The following ESRP1 variants were observed in gnomAD, a reference collection of about 807,000 sequenced individuals.
The protein encoded by ESRP1 is epithelial splicing regulatory protein 1.
ESRP1 carries 33 observed loss-of-function variants against 81.7 expected under a neutral mutation model. The ratio of observed to expected loss-of-function variants is 0.40; its 90% CI spans 0.31 to 0.54. ESRP1 has a LOEUF of 0.54. Among genes scored for constraint, ESRP1 ranks in the 20% least tolerant of loss-of-function variants. The pLI is 0.41. For synonymous variants in ESRP1, 320 were observed against 303.3 expected (o/e 1.06, Z -0.57); for missense variants, 672 against 833.1 (o/e 0.81, Z 2.38).
intron 4 of ESRP1, among the ~76,000 whole-genome samples, chr8:94,660,460 C>T (rs1393654079): frequency 6.6e-6 from 1 of 150,884 alleles, no homozygotes; most frequent in Non-Finnish European, 1.5e-5. Flanking sequence ...AAAATGAGGT[C>T]GGGTGCAGTG....
chr8:94,642,147 C>G (rs1234915924), intron 2 of ESRP1, 63 bp downstream of exon 2: 5 of 1,565,588 alleles, frequency 3.2e-6, no homozygotes, highest in Admixed American at 1.7e-5. Flanking sequence ...ACCCTACGCC[C>G]TCTCAGGGCG....
intron 14 of ESRP1, among the ~76,000 whole-genome samples, chr8:94,694,594 A>T (rs763959454): frequency 5.3e-5 from 8 of 151,986 alleles, no homozygotes; most frequent in Non-Finnish European, 8.8e-5. Flanking sequence ...ACAGAACGAG[A>T]CTCTGTTTCA....
rs1293192695 is a variant in ESRP1, at chr8:94,673,524, G to A, written c.1453-784G>A. Among the ~76,000 whole-genome samples, 3 of 152,316 alleles carry A rather than the reference G, an allele frequency of 2.0e-5. No homozygotes were observed. In the South Asian group the frequency reaches 6.2e-4, roughly 32 times the overall value. ...GAAAGTAGTCCTGTAAGCTGATCATGTCTTTTTCTCCCCCATAAAACATTC... is the reference window on the plus strand; with the variant it reads ...GAAAGTAGTCCTGTAAGCTGATCATATCTTTTTCTCCCCCATAAAACATTC... On this transcript the variant is annotated intron_variant, in intron 11 of 15. Transcript: ENST00000433389.
At position 94,706,705 on chromosome 8, in the gene ESRP1, C is replaced by A. The variant is rs1050328567; in HGVS notation, c.*816C>A. 4 of 152,418 alleles carry A rather than the reference C, an allele frequency of 2.6e-5. No homozygotes were observed. Among genetic ancestry groups the A allele is most frequent in the Admixed American group, 6.6e-5 (1 of 15,264 alleles). 9.4% of individuals were successfully genotyped at this position (152,418 alleles called of 1,614,324 possible). A position where few individuals can be genotyped will look rare whatever the true frequency, so the allele number is the denominator to read the frequency against. On this transcript the variant is annotated 3_prime_UTR_variant, in exon 16 of 16. Coordinates refer to ENST00000433389, the MANE Select transcript of ESRP1 (RefSeq NM_017697.4). ...TTCATATGTATTATTTTATATTGTA[C>A]TTTTTTCATTATTGATGGTTTGGAC...
chr8:94,674,315 C>T lies in ESRP1; in HGVS notation c.1460C>T (p.Pro487Leu). The T allele has an allele frequency of 6.2e-7, 1 of 1,613,748 alleles. No individual in the cohort carries two copies. ...CTTCCCCCACACACTCAGGGCCGCC[C>T]ATCAGGAGATGCCTTTATCCAGATG... Reference protein sequence around the residue: ...VHMVLNHQGRPSGDAFIQMKS... With the variant: ...VHMVLNHQGRLSGDAFIQMKS... The change falls in exon 12 of 16, where the codon CCA becomes CTA. Residue 487 changes from proline to leucine, a missense_variant. By Grantham distance (98) the Pro-to-Leu change is moderately conservative. Transcript: ENST00000433389.
At position 94,664,635 on chromosome 8, in the gene ESRP1, G is replaced by A; in HGVS notation, c.645-62G>A. 3.4e-6 allele frequency: 4 copies of A among 1,167,576 alleles called. No individual in the cohort carries two copies. The South Asian group carries it at 3.7e-5, about 11-fold the overall frequency. 72.3% of individuals were successfully genotyped at this position (1,167,576 alleles called of 1,614,324 possible). ...GTAACTAGGCAGTTGTCTTGCAGGGGGTAATAGGTGTCTGACTTGCTAGCA... is the reference window on the plus strand; with the variant it reads ...GTAACTAGGCAGTTGTCTTGCAGGGAGTAATAGGTGTCTGACTTGCTAGCA... On this transcript the variant is annotated intron_variant, in intron 6 of 15. Coordinates refer to ENST00000433389, the MANE Select transcript of ESRP1 (RefSeq NM_017697.4).
At chr8:94,688,734 A>G (rs1809248851) in intron 13 of ESRP1, 3 of 159,088 alleles carry the variant, frequency 1.9e-5, no homozygotes, top group African/African-American at 7.2e-5. Context: ...GCCTCTCCTT[A>G]TGCTAGTACT....
At position 94,706,219 on chromosome 8, in the gene ESRP1, G is replaced by A; in HGVS notation, c.*330G>A. On this transcript the variant is annotated 3_prime_UTR_variant, in exon 16 of 16. Transcript: ENST00000433389. ...ACTTCCAGTTAAAGTGGCATCATAG[G>A]TGTTTCCTAAGTTTTAAGTCTTGGA... 2.3e-6 allele frequency: 1 copy of A among 433,698 alleles called. No homozygotes were observed. The highest frequency in any genetic ancestry group is 4.0e-5 in the South Asian group (1 of 25,018). The allele number at this position is 433,698 out of a possible 1,614,324, so 26.9% of individuals were successfully genotyped here.
At position 94,671,699 on chromosome 8, in the gene ESRP1, A is replaced by T. The variant is rs372216895; in HGVS notation, c.1452+28A>T. ...AAGAAAGATACTTAGTGGAAAACTT[A>T]TTTGCTTTTTCTCACTACATATGAG... On this transcript the variant is annotated intron_variant, in intron 11 of 15. Transcript: ENST00000433389. 2.5e-6 allele frequency: 4 copies of T among 1,581,810 alleles called. No individual in the cohort carries two copies. In the African/African-American group the frequency reaches 5.4e-5, roughly 21 times the overall value.
At chr8:94,665,733 A>G (rs538799366) in intron 9 of ESRP1, among the ~76,000 whole-genome samples, 6 of 152,240 alleles carry the variant, frequency 3.9e-5, no homozygotes, top group South Asian at 4.1e-4. Context: ...CTTCAAATTG[A>G]TCCTCCTGCC....
At chr8:94,691,430 G>A (rs951256900) in intron 13 of ESRP1, among the ~76,000 whole-genome samples, 2 of 152,134 alleles carry the variant, frequency 1.3e-5, no homozygotes, top group Admixed American at 6.5e-5. Context: ...TGATGGTGAC[G>A]GAAATAGCAA....
chr8:94,703,847 C>G (rs1404988528), intron 15 of ESRP1, among the ~76,000 whole-genome samples: 1 of 152,168 alleles, frequency 6.6e-6, no homozygotes, highest in African/African-American at 2.4e-5. Context: ...AAAACTGCCT[C>G]TTAGGGGCTT....
chr8:94,668,810 T>TG (rs1819157798), intron 10 of ESRP1, among the ~76,000 whole-genome samples: 1 of 151,852 alleles, frequency 6.6e-6, no homozygotes, highest in South Asian at 2.1e-4. Context: ...TGTGTGTGTT[T>TG]GAGATGGGGT....
At chr8:94,657,939 C>G (rs1818518301) in intron 4 of ESRP1, among the ~76,000 whole-genome samples, 1 of 152,192 alleles carries the variant, frequency 6.6e-6, no homozygotes, top group South Asian at 2.1e-4. Flanking sequence ...GCGATGGAGT[C>G]TTGCTCTGTT....
intron 4 of ESRP1, among the ~76,000 whole-genome samples, chr8:94,646,789 A>T (rs1817879964): frequency 6.6e-6 from 1 of 152,212 alleles, no homozygotes; most frequent in Non-Finnish European, 1.5e-5. Context: ...GAGATGATAA[A>T]ATGGGGTCTG....
intron 9 of ESRP1, among the ~76,000 whole-genome samples, chr8:94,667,466 A>C (rs1328206348): frequency 6.6e-6 from 1 of 151,314 alleles, no homozygotes; most frequent in African/African-American, 2.4e-5. Flanking sequence ...AGTTACTTGC[A>C]GATGGTTTTC....
chr8:94,661,659 A>G (rs1251394885), intron 4 of ESRP1, among the ~76,000 whole-genome samples: 1 of 152,226 alleles, frequency 6.6e-6, no homozygotes, highest in Non-Finnish European at 1.5e-5. Context: ...AAAGAAGCAC[A>G]TTGGCCTGTG....
rs1461187622 is a variant in ESRP1, at chr8:94,642,013, T to C, written c.190T>C (p.Cys64Arg). 6.2e-7 allele frequency: 1 copy of C among 1,613,880 alleles called. No individual in the cohort carries two copies. Among genetic ancestry groups the C allele is most frequent in the East Asian group, 2.2e-5 (1 of 44,888 alleles). The stretch of plus-strand genomic sequence containing the variant: ...GGATCAGTTGGAACTGACGGAGGAC[T>C]GCAAAGAAGAAACTAAAATAGACGT... The part of the protein sequence containing the change: ...RPDQLELTED[C>R]KEETKIDVES... Residue 64 changes from cysteine (C) to arginine (R), a missense_variant, in exon 2 of 16, where the codon TGC becomes CGC. Cys to Arg is a radical substitution (Grantham distance 180). Transcript: ENST00000433389.
chr8:94,696,754 G>A (rs1809620658), intron 14 of ESRP1, 98 bp from the exon 15 acceptor site: 1 of 885,698 alleles, frequency 1.1e-6, no homozygotes, highest in South Asian at 1.7e-5. Flanking sequence ...CTATCTAAAT[G>A]TCCTATACTT....
Sources: allele counts gnomAD v4.1 joint callset (sites outside exome capture counted in the v4.1 genomes callset), GRCh38; gene constraint gnomAD v4.1.1; transcripts MANE v1.5; gene names NCBI Gene and HGNC (gene_info 2026-07-23, HGNC 2026-07-21).